LIMA1: variants seen among roughly 807,000 people sequenced by gnomAD.
The protein encoded by LIMA1 is LIM domain and actin-binding protein 1.
In LIMA1, 52 loss-of-function variants were observed where a neutral mutation model predicts 62.6. The observed-to-expected ratio is 0.83, with a 90% CI of 0.67 to 1.05. The LOEUF is 1.05. LIMA1 is among the 50% of genes least tolerant of loss of function. The probability of loss-of-function intolerance (pLI) is 0.00; values close to 1 mark genes in which losing one functional copy is unlikely to be tolerated. For missense variants in LIMA1, 780 were observed against 902.2 expected (o/e 0.86, Z 1.74); for synonymous variants, 302 against 317.8 (o/e 0.95, Z 0.53).
intron 1 of LIMA1, among the ~76,000 whole-genome samples, chr12:50,282,853 T>C (rs951778950): frequency 1.3e-5 from 2 of 152,176 alleles, no homozygotes; most frequent in African/African-American, 4.8e-5. Context: ...TTACCTTACA[T>C]TAACACCAAC....
chr12:50,234,439 C>A (rs769439345), intron 2 of LIMA1, among the ~76,000 whole-genome samples: 1 of 151,998 alleles, frequency 6.6e-6, no homozygotes, highest in Non-Finnish European at 1.5e-5. Flanking sequence ...GAACTCCTGG[C>A]CTCAAGAGAT....
rs577308413 is a variant in LIMA1 at position 50,241,933 on chromosome 12, A to ATTTTTTTTTTTTTTTTT, written c.119+6683_119+6699dup. Among the ~76,000 whole-genome samples, 6 of 36,434 alleles carry ATTTTTTTTTTTTTTTTT rather than the reference A, an allele frequency of 1.6e-4. 1 individual carries two copies. The highest frequency in any genetic ancestry group is 2.0e-4 in the Non-Finnish European group (4 of 20,246). 23.9% of individuals were successfully genotyped at this position (36,434 alleles called of 152,430 possible). On this transcript the variant is annotated intron_variant, in intron 2 of 10. Coordinates refer to ENST00000341247, the MANE Select transcript of LIMA1 (RefSeq NM_016357.5). Reference sequence around the variant, plus strand: ...AATTTTGTTCCTCTTTCCTTCCCAGATTTTTTTTTTTTTTTTTTTTTTTTT... The same window carrying ATTTTTTTTTTTTTTTTT: ...AATTTTGTTCCTCTTTCCTTCCCAGATTTTTTTTTTTTTTTTTTTTTTTTTTTTTTTTTTTTTTTTTT...
intron 1 of LIMA1, among the ~76,000 whole-genome samples, chr12:50,266,681 A>AT (rs1180823518): frequency 1.3e-5 from 2 of 152,208 alleles, no homozygotes; most frequent in Non-Finnish European, 2.9e-5. Context: ...TATGCATTAA[A>AT]TTTTTAAATA....
At chr12:50,277,257 CCATT>C (rs147921095) in intron 1 of LIMA1, among the ~76,000 whole-genome samples, 3,466 of 151,992 alleles carry the variant, frequency 0.023, 123 homozygotes, top group African/African-American at 0.08. Context: ...AGCAAGAACC[CCATT>C]CAATTTTTTT....
chr12:50,250,326 GACATGGTGGTTCATACCTGTAATCC>G (rs1433630224), intron 1 of LIMA1, among the ~76,000 whole-genome samples: 2 of 144,782 alleles, frequency 1.4e-5, no homozygotes, highest in East Asian at 4.0e-4. Context: ...TCCTGGGTCA[GACATGGTGGTTCATACCTGTAATCC>G]CAGCACTTTG....
At chr12:50,183,460 C>G (rs936895446) in intron 9 of LIMA1, among the ~76,000 whole-genome samples, 2 of 151,984 alleles carry the variant, frequency 1.3e-5, no homozygotes, top group Non-Finnish European at 2.9e-5. Flanking sequence ...AGGCCCAGGA[C>G]CTGGATAGTT....
chr12:50,180,083 CTGAGGTCAGGAGT>C (rs1356355928), intron 10 of LIMA1, among the ~76,000 whole-genome samples: 1 of 151,908 alleles, frequency 6.6e-6, no homozygotes, highest in Non-Finnish European at 1.5e-5. Flanking sequence ...GGCAGACTGA[CTGAGGTCAGGAGT>C]TCAAGACCAG....
chr12:50,190,848 T>C (rs1319036098), intron 9 of LIMA1, among the ~76,000 whole-genome samples: 4 of 149,276 alleles, frequency 2.7e-5, no homozygotes, highest in Non-Finnish European at 5.9e-5. Flanking sequence ...GTGTGTTTGG[T>C]GGCTCATACC....
rs187781246 is a variant in LIMA1 at position 50,211,039 on chromosome 12, T to G, written c.631-4971A>C. Among the ~76,000 whole-genome samples, 753 of 152,210 alleles carry G rather than the reference T, an allele frequency of 4.9e-3. 6 individuals carry two copies. The highest frequency in any genetic ancestry group is 0.017 in the Middle Eastern group (5 of 292). ...CTCAAACATTAAGAATAACAAGGCT[T>G]GGCTGGGCATGGTGGCTCATGCCTG... On this transcript the variant is annotated intron_variant, in intron 4 of 10. Transcript: ENST00000341247.
chr12:50,206,010 G>A lies in LIMA1; in HGVS notation c.689C>T (p.Ser230Phe), dbSNP rs1458585910. The change falls in exon 5 of 11, where the codon TCT (serine) becomes TTT (phenylalanine). Residue 230 changes from serine (S) to phenylalanine (F), a missense_variant. Ser to Phe is a radical substitution (Grantham distance 155). Transcript: ENST00000341247. ...TGGGCCTATTTCCAGGTCATCTAGA[G>A]AATAGCTGTTTTCAGAGATCTTCCT... is the stretch of plus-strand genomic sequence containing the variant. ...SGRKISENSY[S>F]LDDLEIGPGQ... 6.2e-7 allele frequency: 1 copy of A among 1,612,482 alleles called. No homozygotes were observed. Among genetic ancestry groups the A allele is most frequent in the Admixed American group, 1.7e-5 (1 of 59,982 alleles).
intron 1 of LIMA1, among the ~76,000 whole-genome samples, chr12:50,267,096 G>A (rs1285926854): frequency 6.6e-6 from 1 of 152,010 alleles, no homozygotes; most frequent in African/African-American, 2.4e-5. Context: ...TTGAGACGGA[G>A]TCTAGCTCTG....
Position 50,240,061 on chromosome 12 carries a change from A to ATAACATAAC in LIMA1, c.120-8352_120-8351insGTTATGTTA, listed in dbSNP as rs1454888061. Reference sequence around the variant, plus strand: ...CATAACATAACATAACATAACATAAAATAAAAAATTTTTAAAAGGAGCGCC... The same window carrying ATAACATAAC: ...CATAACATAACATAACATAACATAAATAACATAACATAAAAAATTTTTAAAAGGAGCGCC... On this transcript the variant is annotated intron_variant, in intron 2 of 10. Coordinates refer to ENST00000341247, the MANE Select transcript of LIMA1 (RefSeq NM_016357.5). Among the ~76,000 whole-genome samples the ATAACATAAC allele has an allele frequency of 9.2e-3, 1,112 of 121,376 alleles. 15 individuals are homozygous for ATAACATAAC. The highest frequency in any genetic ancestry group is 0.033 in the African/African-American group (1,052 of 31,454). 79.6% of individuals were successfully genotyped at this position (121,376 alleles called of 152,430 possible).
At chr12:50,213,733 T>G (rs1198618495) in intron 4 of LIMA1, among the ~76,000 whole-genome samples, 1 of 152,202 alleles carries the variant, frequency 6.6e-6, no homozygotes, top group Non-Finnish European at 1.5e-5. Context: ...AAGACAAAGG[T>G]AGTAATATTT....
chr12:50,198,061 T>C (rs1037643855), intron 7 of LIMA1, among the ~76,000 whole-genome samples: 3 of 152,216 alleles, frequency 2.0e-5, no homozygotes, highest in Admixed American at 2.0e-4. Flanking sequence ...CCAACATACA[T>C]TTGTGATGTT....
At chr12:50,275,496 G>A (rs766562274) in intron 1 of LIMA1, among the ~76,000 whole-genome samples, 2 of 152,134 alleles carry the variant, frequency 1.3e-5, no homozygotes, top group Non-Finnish European at 2.9e-5. Flanking sequence ...TATAAATAGT[G>A]ACAACATTAA....
At chr12:50,181,682 C>T (rs757722544) in intron 10 of LIMA1, among the ~76,000 whole-genome samples, 15 of 152,166 alleles carry the variant, frequency 9.9e-5, no homozygotes, top group Non-Finnish European at 2.1e-4. Flanking sequence ...ATTTAAGCTT[C>T]GGTCCTAACA....
chr12:50,234,135 C>T, intron 2 of LIMA1: 1 of 467,412 alleles, frequency 2.1e-6, no homozygotes, highest in Non-Finnish European at 4.4e-6. Flanking sequence ...AACAGGTTTT[C>T]TCCATTTAAA....
intron 4 of LIMA1, among the ~76,000 whole-genome samples, chr12:50,210,539 A>G (rs924790218): frequency 6.6e-6 from 1 of 152,166 alleles, no homozygotes; most frequent in Non-Finnish European, 1.5e-5. Context: ...TATGTGTTAC[A>G]TGTTACAACC....
At chr12:50,227,244 T>C (rs1941545049) in intron 3 of LIMA1, among the ~76,000 whole-genome samples, 1 of 83,414 alleles carries the variant, frequency 1.2e-5, no homozygotes, top group Middle Eastern at 5.5e-3. Flanking sequence ...TTTCTTTTTT[T>C]TTTTTTTTTT....
Sources: allele counts gnomAD v4.1 joint callset (sites outside exome capture counted in the v4.1 genomes callset), GRCh38; gene constraint gnomAD v4.1.1; transcripts MANE v1.5; gene names NCBI Gene and HGNC (gene_info 2026-07-23, HGNC 2026-07-21).